The following VAC14 variants were observed in gnomAD, a reference collection of about 807,000 sequenced individuals.
VAC14 encodes the protein protein VAC14 homolog.
VAC14 carries 47 observed loss-of-function variants against 85.3 expected under a neutral mutation model. The observed-to-expected ratio is 0.55, with a 90% confidence interval of 0.44 to 0.70. The LOEUF is 0.70. VAC14 is among the 30% of genes least tolerant of loss of function. VAC14 has a pLI of 0.00. For synonymous variants in VAC14, 447 were observed against 430.5 expected (o/e 1.04, Z -0.47); for missense variants, 861 against 1,004.3 (o/e 0.86, Z 1.93).
intron 14 of VAC14, among the ~76,000 whole-genome samples, chr16:70,701,738 A>G (rs1216925481): frequency 1.3e-5 from 2 of 152,160 alleles, no homozygotes; most frequent in East Asian, 3.9e-4. Flanking sequence ...AAACAAACCC[A>G]GCCCCTCACC....
intron 14 of VAC14, among the ~76,000 whole-genome samples, chr16:70,708,462 C>A (rs2053964544): frequency 6.6e-6 from 1 of 152,056 alleles, no homozygotes; most frequent in African/African-American, 2.4e-5. Flanking sequence ...GGGTTCTGAA[C>A]TGTGTTATCA....
At chr16:70,722,755 C>G (rs1285175518) in intron 14 of VAC14, among the ~76,000 whole-genome samples, 1 of 152,154 alleles carries the variant, frequency 6.6e-6, no homozygotes, top group Non-Finnish European at 1.5e-5. Flanking sequence ...TTCTAGGGGC[C>G]AGTTCCAAAC....
intron 12 of VAC14, among the ~76,000 whole-genome samples, chr16:70,759,499 A>G (rs574085581): frequency 2.0e-3 from 298 of 152,284 alleles, no homozygotes; most frequent in Non-Finnish European, 3.7e-3. Flanking sequence ...GTGGTGGTAC[A>G]TGCCTGTAAT....
intron 14 of VAC14, among the ~76,000 whole-genome samples, chr16:70,721,581 G>A (rs917348654): frequency 1.3e-5 from 2 of 152,142 alleles, no homozygotes; most frequent in African/African-American, 2.4e-5. Flanking sequence ...GGGAGGGCCC[G>A]GCTTCTCTCT....
chr16:70,746,702 G>A (rs1390737758), intron 12 of VAC14, among the ~76,000 whole-genome samples: 4 of 152,342 alleles, frequency 2.6e-5, no homozygotes, highest in African/African-American at 9.6e-5. Flanking sequence ...GACACAGGGC[G>A]GAGGGCAGGA....
chr16:70,728,889 T>C (rs559426533), intron 14 of VAC14, among the ~76,000 whole-genome samples: 1 of 152,344 alleles, frequency 6.6e-6, no homozygotes, highest in South Asian at 2.1e-4. Context: ...ACTGTCACTC[T>C]TGTGGGAACA....
At chr16:70,731,754 A>T (rs1419824748) in intron 13 of VAC14, 127 bp from the exon 14 acceptor site, 12 of 1,037,024 alleles carry the variant, frequency 1.2e-5, no homozygotes, top group South Asian at 9.8e-5. Context: ...TAACAAGATG[A>T]GGGAAAATCT....
intron 1 of VAC14, among the ~76,000 whole-genome samples, chr16:70,797,926 C>T (rs892885647): frequency 5.9e-5 from 9 of 152,164 alleles, no homozygotes; most frequent in East Asian, 1.9e-4. Flanking sequence ...AAGCAGAAGC[C>T]GCTATGCTTT....
At chr16:70,764,186 C>T (rs965944856) in intron 10 of VAC14, among the ~76,000 whole-genome samples, 12 of 152,200 alleles carry the variant, frequency 7.9e-5, no homozygotes, top group Non-Finnish European at 1.8e-4. Context: ...CATGATTCTG[C>T]GCTCTGTAAT....
At chr16:70,707,611 C>G (rs1359776057) in intron 14 of VAC14, among the ~76,000 whole-genome samples, 5 of 152,122 alleles carry the variant, frequency 3.3e-5, no homozygotes, top group Non-Finnish European at 5.9e-5. Flanking sequence ...GCTGAAGCCT[C>G]AGCCCCCCAG....
chr16:70,791,358 C>A (rs758050951), intron 1 of VAC14, among the ~76,000 whole-genome samples: 1 of 152,200 alleles, frequency 6.6e-6, no homozygotes, highest in African/African-American at 2.4e-5. Flanking sequence ...CCTTCTAATT[C>A]CTTCTCATGC....
In VAC14 at chr16:70,800,917, A is replaced by G. The variant is rs59924713; in HGVS notation, c.-17T>C. ...GGGGTTCATGGTGGCAGCTGGGGGA[A>G]CCTCGCGACTCCTTAGCCCGCGGCT... is the stretch of plus-strand genomic sequence containing the variant. On this transcript the variant is annotated 5_prime_UTR_variant, in exon 1 of 19. Transcript: ENST00000261776. 8.3e-3 allele frequency: 12,895 copies of G among 1,555,000 alleles called. 696 individuals are homozygous for G. In the African/African-American group the frequency reaches 0.14, roughly 17 times the overall value.
At chr16:70,790,194 C>T (rs1271063964) in intron 1 of VAC14, among the ~76,000 whole-genome samples, 1 of 152,156 alleles carries the variant, frequency 6.6e-6, no homozygotes, top group Non-Finnish European at 1.5e-5. Context: ...GAGAACGACC[C>T]GTGTCTGCCA....
chr16:70,783,299 T>C (rs2033898237), intron 6 of VAC14, 146 bp downstream of exon 6: 1 of 1,032,502 alleles, frequency 9.7e-7, no homozygotes. Context: ...TGATGGGCTC[T>C]TGGCTCCTCA....
chr16:70,731,522 A>G lies in VAC14; in HGVS notation c.1634T>C (p.Leu545Pro). Residue 545 changes from leucine to proline, a missense_variant, in exon 14 of 19, where the codon CTG becomes CCG. Around this residue, in one of 3 missense-constraint regions of VAC14, gnomAD observed 629 missense variants for 703.1 expected, o/e 0.89. Transcript: ENST00000261776. Reference sequence around the variant, plus strand: ...GATGATGAAAGGGCCTCTGACCTCCAGGAGCTTCCGTTCGCTGCTGAATCT... The same window carrying G: ...GATGATGAAAGGGCCTCTGACCTCCGGGAGCTTCCGTTCGCTGCTGAATCT... ...LKRFSSERKL[L>P]EVRGPFIIRQ... The G allele has an allele frequency of 6.2e-7, 1 of 1,614,152 alleles. No individual in the cohort carries two copies. The highest frequency in any genetic ancestry group is 8.5e-7 in the Non-Finnish European group (1 of 1,179,974).
chr16:70,746,441 G>A (rs1478915293), intron 12 of VAC14, among the ~76,000 whole-genome samples: 1 of 152,246 alleles, frequency 6.6e-6, no homozygotes, highest in African/African-American at 2.4e-5. Flanking sequence ...TTCTGGGGCT[G>A]TAAAGGTGAG....
chr16:70,727,953 C>T (rs1418153219), intron 14 of VAC14, among the ~76,000 whole-genome samples: 1 of 152,174 alleles, frequency 6.6e-6, no homozygotes, highest in Non-Finnish European at 1.5e-5. Context: ...TGCACATTGA[C>T]AGGTGTGGGT....
chr16:70,688,347 C>A, intron 18 of VAC14: 1 of 1,151,194 alleles, frequency 8.7e-7, no homozygotes, highest in Non-Finnish European at 1.1e-6. Flanking sequence ...CTGGCGATGG[C>A]GCCCAGAGCA....
rs550635854 is a variant in VAC14 at position 70,692,864 on chromosome 16, G to T, written c.2143C>A (p.His715Asn). The T allele has an allele frequency of 1.2e-5, 19 of 1,605,150 alleles. 1 individual carries two copies. The South Asian group carries it at 2.0e-4, about 17-fold the overall frequency. Residue 715 changes from histidine (H) to asparagine (N), a missense_variant, in exon 18 of 19, where the codon CAC becomes AAC. This residue lies in a region of VAC14 where 163 missense variants were observed against 162.2 expected (regional missense o/e 1.00). Transcript: ENST00000261776. Reference sequence around the variant, plus strand: ...GGGTTGGGCACGCACTGGAGCCGGTGCGAGAGCAGCTGGAAGGCGCTGCTC... The same window carrying T: ...GGGTTGGGCACGCACTGGAGCCGGTTCGAGAGCAGCTGGAAGGCGCTGCTC... ...PQSSAFQLLS[H>N]RLQCVPNPEL... is the part of the protein sequence containing the mutation.
Sources: gnomAD v4.1 joint callset for allele counts (sites outside exome capture counted in the v4.1 genomes callset) on GRCh38, gnomAD v4.1.1 for gene constraint, gnomAD v4.1.1 regional missense constraint, MANE v1.5 for transcripts, NCBI Gene and HGNC (gene_info 2026-07-23, HGNC 2026-07-21) for gene names.